RIMS1: variants seen among roughly 807,000 people sequenced by gnomAD.
The protein encoded by RIMS1 is regulating synaptic membrane exocytosis 1.
In RIMS1, 83 loss-of-function variants were observed where a neutral mutation model predicts 214.1. The observed-to-expected ratio is 0.39, with a 90% CI of 0.32 to 0.47. RIMS1 has a LOEUF of 0.47. Ranked by LOEUF, RIMS1 falls within the 20% of genes least tolerant of loss-of-function variation. The probability of loss-of-function intolerance (pLI) is 0.99; values close to 1 mark genes in which losing one functional copy is unlikely to be tolerated. For missense variants in RIMS1, 2,050 were observed against 2,161.8 expected, an observed-to-expected ratio of 0.95 and a Z score of 1.03; for synonymous variants, 793 against 786.8, an observed-to-expected ratio of 1.01 and a Z score of -0.13.
chr6:71,895,373 T>C (rs1402722271), intron 1 of RIMS1, among the ~76,000 whole-genome samples: 1 of 152,148 alleles, frequency 6.6e-6, no homozygotes, highest in Non-Finnish European at 1.5e-5. Context: ...TTTTAACCAA[T>C]GTAACAAGAA....
chr6:72,120,971 G>A (rs2038168152), intron 4 of RIMS1, among the ~76,000 whole-genome samples: 1 of 151,794 alleles, frequency 6.6e-6, no homozygotes, highest in African/African-American at 2.4e-5. Flanking sequence ...GTAGATATGT[G>A]GTGTTATTTC....
At chr6:72,193,625 C>T (rs1051714284) in intron 6 of RIMS1, among the ~76,000 whole-genome samples, 4 of 152,150 alleles carry the variant, frequency 2.6e-5, no homozygotes, top group African/African-American at 7.2e-5. Flanking sequence ...TCTCCAGCAC[C>T]TTGTGACACT....
At chr6:71,898,677 T>C (rs1317824602) in intron 1 of RIMS1, among the ~76,000 whole-genome samples, 1 of 152,158 alleles carries the variant, frequency 6.6e-6, no homozygotes, top group African/African-American at 2.4e-5. Flanking sequence ...CTGAACATAG[T>C]GCTCCAGGCC....
intron 2 of RIMS1, among the ~76,000 whole-genome samples, chr6:72,000,156 T>G (rs1804711645): frequency 6.6e-6 from 1 of 152,116 alleles, no homozygotes; most frequent in Non-Finnish European, 1.5e-5. Context: ...CAGTATATGA[T>G]ATGATATATT....
chr6:72,150,583 G>C (rs540099227), intron 4 of RIMS1, among the ~76,000 whole-genome samples: 10 of 152,314 alleles, frequency 6.6e-5, no homozygotes, highest in Admixed American at 5.2e-4. Context: ...CATAGATACA[G>C]GTTATTGTGC....
intron 2 of RIMS1, among the ~76,000 whole-genome samples, chr6:71,992,406 CTTTCTTTCTT>C (rs1160096486): frequency 1.9e-5 from 1 of 51,862 alleles, no homozygotes; most frequent in Non-Finnish European, 3.4e-5. Context: ...CTCTCTCTCT[CTTTCTTTCTT>C]TCTTTCTTTC....
intron 2 of RIMS1, among the ~76,000 whole-genome samples, chr6:72,024,505 G>T (rs12523968): frequency 0.11 from 17,196 of 152,026 alleles, 1,173 homozygotes; most frequent in South Asian, 0.17. Context: ...AATAATATTT[G>T]TTATTTGTAT....
intron 4 of RIMS1, among the ~76,000 whole-genome samples, chr6:72,142,139 T>C (rs569889077): frequency 1.8e-4 from 27 of 152,096 alleles, no homozygotes; most frequent in Middle Eastern, 3.4e-3. Context: ...TAATTTAATC[T>C]GGCCCCTCTA....
rs1455404391 is a variant in RIMS1, at chr6:72,391,451, T to C, written c.4505+715T>C. ...TGGTAAAATTGAATTTTTATTGAGG[T>C]AGTGGATCTTACAAATAAGTAATTA... On this transcript the variant is annotated intron_variant, in intron 30 of 33. Coordinates refer to ENST00000521978, the MANE Select transcript of RIMS1 (RefSeq NM_014989.7). 2.0e-5 allele frequency among the ~76,000 whole-genome samples: 3 copies of C among 151,876 alleles called. No homozygotes were observed. The East Asian group carries it at 5.8e-4, about 29-fold the overall frequency.
rs577053545 is a variant in RIMS1, at chr6:71,951,884, T to C, written c.165-17099T>C. On this transcript the variant is annotated intron_variant, in intron 1 of 33. Coordinates refer to ENST00000521978, the MANE Select transcript of RIMS1 (RefSeq NM_014989.7). ...CAAGTCTTTTGACTCCTTGCCCTGT[T>C]GCCCTACCACACTTGCCTTTCTTTA... Among the ~76,000 whole-genome samples the C allele has an allele frequency of 1.4e-3, 220 of 152,128 alleles. 2 individuals are homozygous for C. Among genetic ancestry groups the C allele is most frequent in the Non-Finnish European group, 1.3e-3 (91 of 68,022 alleles).
intron 1 of RIMS1, among the ~76,000 whole-genome samples, chr6:71,956,350 A>G (rs1791276728): frequency 6.7e-6 from 1 of 148,266 alleles, no homozygotes; most frequent in Non-Finnish European, 1.5e-5. Flanking sequence ...AAGCCTTAAC[A>G]TAATATAAGT....
intron 2 of RIMS1, among the ~76,000 whole-genome samples, chr6:72,085,027 C>T (rs1174708865): frequency 6.6e-6 from 1 of 152,084 alleles, no homozygotes; most frequent in Non-Finnish European, 1.5e-5. Flanking sequence ...CCTCTGAAAA[C>T]ACATTTTCCT....
chr6:71,958,927 A>C (rs1792102345), intron 1 of RIMS1, among the ~76,000 whole-genome samples: 1 of 152,122 alleles, frequency 6.6e-6, no homozygotes, highest in South Asian at 2.1e-4. Context: ...TGAAAAAGTT[A>C]TTTACAAGAT....
intron 26 of RIMS1, among the ~76,000 whole-genome samples, chr6:72,296,659 T>C (rs2094123735): frequency 6.6e-6 from 1 of 151,936 alleles, no homozygotes; most frequent in South Asian, 2.1e-4. Context: ...AGTTTTCAGC[T>C]TAATGTGATA....
intron 28 of RIMS1, among the ~76,000 whole-genome samples, chr6:72,331,018 C>T (rs10943003): frequency 0.28 from 42,018 of 151,418 alleles, 7,138 homozygotes; most frequent in South Asian, 0.4. Context: ...CCAATGATAA[C>T]ACTTGTTATA....
At chr6:71,949,981 T>C (rs1788952911) in intron 1 of RIMS1, among the ~76,000 whole-genome samples, 1 of 152,054 alleles carries the variant, frequency 6.6e-6, no homozygotes. Context: ...ACCTGGTAAA[T>C]GAATAAACAA....
At chr6:72,039,298 T>G (rs1249957348) in intron 2 of RIMS1, among the ~76,000 whole-genome samples, 1 of 152,164 alleles carries the variant, frequency 6.6e-6, no homozygotes, top group Non-Finnish European at 1.5e-5. Flanking sequence ...TTATATATTT[T>G]TGGCAATGAA....
chr6:72,135,225 C>A (rs983652931), intron 4 of RIMS1, among the ~76,000 whole-genome samples: 1 of 152,106 alleles, frequency 6.6e-6, no homozygotes, highest in Non-Finnish European at 1.5e-5. Context: ...AAGCAAACCA[C>A]ATGTCAGCTC....
At chr6:72,344,928 T>C (rs2097209152) in intron 29 of RIMS1, among the ~76,000 whole-genome samples, 1 of 151,818 alleles carries the variant, frequency 6.6e-6, no homozygotes, top group African/African-American at 2.4e-5. Flanking sequence ...GAATTAATTT[T>C]TATAATTAAT....
Sources: gnomAD v4.1 joint callset for allele counts (sites outside exome capture counted in the v4.1 genomes callset) on GRCh38, gnomAD v4.1.1 for gene constraint, MANE v1.5 for transcripts, NCBI Gene and HGNC (gene_info 2026-07-23, HGNC 2026-07-21) for gene names.